DNAH9: variants seen among roughly 807,000 people sequenced by gnomAD.
DNAH9 encodes the protein DNAH9 variant protein.
DNAH9 carries 345 observed loss-of-function variants against 471.6 expected under a neutral mutation model. That is an observed-to-expected ratio of 0.73 (90% CI 0.67 to 0.80). The LOEUF (loss-of-function observed/expected upper bound fraction) is 0.80. Ranked by LOEUF, DNAH9 falls within the 30% of genes least tolerant of loss-of-function variation. DNAH9 has a pLI of 0.00. For synonymous variants in DNAH9, 2,093 were observed against 2,123.6 expected, an observed-to-expected ratio of 0.99 and a Z score of 0.40; for missense variants, 5,407 against 5,609.2, an observed-to-expected ratio of 0.96 and a Z score of 1.15.
chr17:11,713,529 A>G (rs999973446), intron 26 of DNAH9, among the ~76,000 whole-genome samples: 1 of 151,980 alleles, frequency 6.6e-6, no homozygotes, highest in Non-Finnish European at 1.5e-5. Context: ...AGAGTGTATA[A>G]GTGTTCCCTT....
In DNAH9 at chr17:11,934,051, G is replaced by A; in HGVS notation, c.12469G>A (p.Asp4157Asn). The A allele has an allele frequency of 6.2e-7, 1 of 1,613,894 alleles. No homozygotes were observed. The highest frequency in any genetic ancestry group is 8.5e-7 in the Non-Finnish European group (1 of 1,179,866). The change falls in exon 65 of 69, where the codon GAC (aspartate) becomes AAC (asparagine). Residue 4157 changes from aspartate to asparagine, a missense_variant. Transcript: ENST00000262442. The stretch of plus-strand genomic sequence containing the variant: ...AGGGTTCCCACTCCCAGGCAACATG[G>A]ACTACAATGGTTATCATCAGGTGAG... ...APGFPLPGNM[D>N]YNGYHQYIDA...
chr17:11,704,262 G>C lies in DNAH9; in HGVS notation c.5211G>C (p.Arg1737Ser), dbSNP rs756004223. Reference sequence around the variant, plus strand: ...CAGAAGTGGGCATGGCATTTGCCAGGCTGGAGGAAGGCTATGAGAGTGCCA... The same window carrying C: ...CAGAAGTGGGCATGGCATTTGCCAGCCTGGAGGAAGGCTATGAGAGTGCCA... ...WTTEVGMAFA[R>S]LEEGYESAMK... Residue 1737 changes from arginine to serine, a missense_variant, in exon 25 of 69, where the codon AGG becomes AGC. Physicochemically the swap from Arg to Ser is moderately radical, Grantham distance 110. Around this residue, in one of 3 missense-constraint regions of DNAH9, gnomAD observed 4,636 missense variants for 4,900.3 expected, o/e 0.95. Transcript: ENST00000262442. 6.2e-6 allele frequency: 10 copies of C among 1,614,214 alleles called. No individual in the cohort carries two copies. Among genetic ancestry groups the C allele is most frequent in the Non-Finnish European group, 8.5e-6 (10 of 1,180,026 alleles).
At position 11,892,008 on chromosome 17, in the gene DNAH9, T is replaced by TTCAAAGAAAA; in HGVS notation, c.11283+61_11283+62insTCAAAGAAAA. On this transcript the variant is annotated intron_variant, in intron 58 of 68. Transcript: ENST00000262442. This position sits in a 1 kb window ranked among gnomAD's most constrained non-coding sequence, Gnocchi z 4.3. ...TTATTTTTAGTGCCCAGACAGCAGG[T>TTCAAAGAAAA]GTTAAGAAACTTTCTTCTTTGAACA... is the stretch of plus-strand genomic sequence containing the variant. The TTCAAAGAAAA allele has an allele frequency of 6.3e-7, 1 of 1,578,896 alleles. No homozygotes were observed.
chr17:11,938,480 A>T (rs1367097781), intron 66 of DNAH9, among the ~76,000 whole-genome samples: 1 of 151,290 alleles, frequency 6.6e-6, no homozygotes, highest in African/African-American at 2.4e-5. Flanking sequence ...CAAAAAAAGA[A>T]TGGGCCACCA....
At chr17:11,714,550 A>G (rs931764793) in intron 26 of DNAH9, among the ~76,000 whole-genome samples, 4 of 152,136 alleles carry the variant, frequency 2.6e-5, no homozygotes, top group Non-Finnish European at 4.4e-5. Context: ...AAGGACCCTC[A>G]CCCTTCTATA....
chr17:11,835,853 G>T (rs1970833870), intron 49 of DNAH9, among the ~76,000 whole-genome samples: 2 of 152,192 alleles, frequency 1.3e-5, no homozygotes, highest in South Asian at 4.1e-4. Flanking sequence ...GCTCACATCT[G>T]GTCCACTGGA....
In DNAH9 at chr17:11,654,355, CAAAA is replaced by C. The variant is rs527835262; in HGVS notation, c.2595+1373_2595+1376del. On this transcript the variant is annotated intron_variant, in intron 14 of 68. Coordinates refer to ENST00000262442, the MANE Select transcript of DNAH9 (RefSeq NM_001372.4). ...TGGGCCACAGAGCGAGACTCCGTCT[CAAAA>C]AAAAAAAAAAAAAAAAAAAGTTTAA... 5.3e-4 allele frequency among the ~76,000 whole-genome samples: 6 copies of C among 11,264 alleles called. 1 individual carries two copies. Among genetic ancestry groups the C allele is most frequent in the Non-Finnish European group, 4.9e-3 (6 of 1,232 alleles). 7.4% of individuals were successfully genotyped at this position (11,264 alleles called of 152,430 possible).
At chr17:11,761,651 C>G (rs1967671951) in intron 35 of DNAH9, among the ~76,000 whole-genome samples, 1 of 152,044 alleles carries the variant, frequency 6.6e-6, no homozygotes, top group Non-Finnish European at 1.5e-5. Flanking sequence ...CACAGGCTGC[C>G]CCTGCAAGTT....
intron 35 of DNAH9, among the ~76,000 whole-genome samples, chr17:11,758,473 C>T (rs1173588894): frequency 1.3e-5 from 2 of 152,174 alleles, no homozygotes; most frequent in Non-Finnish European, 2.9e-5. Context: ...GCTGTGAAGG[C>T]AATGTGACTC....
rs765813133 is a variant in DNAH9 at position 11,756,654 on chromosome 17, T to C, written c.6825T>C (p.Thr2275=). The change falls in exon 34 of 69, where the codon ACT becomes ACC. Residue 2275 remains threonine, a synonymous_variant. Transcript: ENST00000262442. ...AGATCAGCCACCTGCGCACAGCCAC[T>C]CCAGCAACTGTCTCTAGAGCAGGTA... ...LFEISHLRTA[T]PATVSRAGIL... The C allele has an allele frequency of 1.2e-6, 2 of 1,611,064 alleles. No individual in the cohort carries two copies. Among genetic ancestry groups the C allele is most frequent in the Non-Finnish European group, 1.7e-6 (2 of 1,177,446 alleles).
chr17:11,861,587 G>A (rs1431813425), intron 50 of DNAH9, among the ~76,000 whole-genome samples: 3 of 150,030 alleles, frequency 2.0e-5, no homozygotes, highest in African/African-American at 7.3e-5. Flanking sequence ...CTAGATCCCT[G>A]AGGAATCGCC....
chr17:11,953,625 C>T (rs901718502), intron 67 of DNAH9, among the ~76,000 whole-genome samples: 4 of 152,048 alleles, frequency 2.6e-5, no homozygotes, highest in South Asian at 4.1e-4. Flanking sequence ...TCCTGGCTAA[C>T]GTGGTGAAAC....
intron 38 of DNAH9, among the ~76,000 whole-genome samples, chr17:11,777,031 T>C (rs1286147904): frequency 6.6e-6 from 1 of 152,256 alleles, no homozygotes; most frequent in African/African-American, 2.4e-5. Flanking sequence ...AGTTATTTTT[T>C]ATGCCTTCTG....
At chr17:11,662,134 A>T (rs62060827) in intron 14 of DNAH9, among the ~76,000 whole-genome samples, 51,256 of 151,852 alleles carry the variant, frequency 0.34, 8,865 homozygotes, top group Middle Eastern at 0.42. Context: ...TTTCATTATC[A>T]CCTACCCTCC....
intron 49 of DNAH9, among the ~76,000 whole-genome samples, chr17:11,836,361 G>A (rs1970851160): frequency 6.6e-6 from 1 of 152,174 alleles, no homozygotes; most frequent in Non-Finnish European, 1.5e-5. Context: ...TATATTTAAT[G>A]TGAGATGTGA....
At chr17:11,646,879 C>T (rs1006391864) in intron 11 of DNAH9, among the ~76,000 whole-genome samples, 193 bp from the exon 12 acceptor site, 1 of 152,184 alleles carries the variant, frequency 6.6e-6, no homozygotes, top group Non-Finnish European at 1.5e-5. Context: ...CATCATTGCA[C>T]TCCAGCATGG....
Position 11,763,557 on chromosome 17 carries a change from G to A in DNAH9, c.7113G>A (p.Glu2371=), listed in dbSNP as rs1231043498. 12 of 1,614,012 alleles carry A rather than the reference G, an allele frequency of 7.4e-6. No individual in the cohort carries two copies. The highest frequency in any genetic ancestry group is 1.0e-5 in the Non-Finnish European group (12 of 1,180,038). The stretch of plus-strand genomic sequence containing the variant: ...CAGACTGCCCTAAGGAAATTTATGA[G>A]CATTATTTTGTGTTTGCTGCCATCT... ...IPADCPKEIY[E]HYFVFAAIWA... is the part of the protein sequence containing the mutation. Residue 2371 remains glutamate (E), a synonymous_variant, in exon 36 of 69, where the codon GAG becomes GAA. Coordinates refer to ENST00000262442, the MANE Select transcript of DNAH9 (RefSeq NM_001372.4).
chr17:11,747,029 G>T (rs1567770106), intron 31 of DNAH9, among the ~76,000 whole-genome samples: 1 of 152,184 alleles, frequency 6.6e-6, no homozygotes, highest in African/African-American at 2.4e-5. Context: ...CTGGAAGTCA[G>T]TAGTCTCCCA....
intron 57 of DNAH9, among the ~76,000 whole-genome samples, chr17:11,887,736 TCACACACACA>T (rs35670481): frequency 2.1e-3 from 310 of 147,504 alleles, no homozygotes; most frequent in Middle Eastern, 3.5e-3. Context: ...ATACACACAG[TCACACACACA>T]CACACACACA....
Sources: allele counts gnomAD v4.1 joint callset (sites outside exome capture counted in the v4.1 genomes callset), GRCh38; gene constraint gnomAD v4.1.1; regional missense constraint gnomAD v4.1.1; non-coding constraint Gnocchi (gnomAD v3.1); transcripts MANE v1.5; gene names NCBI Gene and HGNC (gene_info 2026-07-23, HGNC 2026-07-21).